ZRANB3: variants seen among roughly 807,000 people sequenced by gnomAD.
The protein encoded by ZRANB3 is zinc finger RANBP2-type containing 3.
In ZRANB3, 125 loss-of-function variants were observed where a neutral mutation model predicts 133.8. The observed-to-expected ratio is 0.93, with a 90% CI of 0.81 to 1.08. ZRANB3 has a LOEUF of 1.08. Among genes scored for constraint, ZRANB3 ranks in the 50% least tolerant of loss-of-function variants. The probability of loss-of-function intolerance (pLI) is 0.00; values close to 1 mark genes in which losing one functional copy is unlikely to be tolerated. For synonymous variants in ZRANB3, 387 were observed against 432.7 expected (o/e 0.89, Z 1.31); for missense variants, 1,229 against 1,275.5 (o/e 0.96, Z 0.56).
At chr2:135,475,793 T>C (rs1462166913) in intron 2 of ZRANB3, among the ~76,000 whole-genome samples, 1 of 152,070 alleles carries the variant, frequency 6.6e-6, no homozygotes, top group South Asian at 2.1e-4. Context: ...ATATTAAAAT[T>C]TTGGCTGGGT....
At chr2:135,493,784 G>A (rs1315267497) in intron 2 of ZRANB3, among the ~76,000 whole-genome samples, 1 of 152,112 alleles carries the variant, frequency 6.6e-6, no homozygotes. Context: ...GCTAACAAGA[G>A]AACTGAAAAC....
intron 1 of ZRANB3, among the ~76,000 whole-genome samples, chr2:135,505,077 C>A (rs1410442617): frequency 6.6e-6 from 1 of 151,948 alleles, no homozygotes; most frequent in African/African-American, 2.4e-5. Flanking sequence ...AGCACTTTGC[C>A]TGATTAACAC....
At chr2:135,272,506 C>T (rs1471528072) in intron 9 of ZRANB3, among the ~76,000 whole-genome samples, 1 of 147,532 alleles carries the variant, frequency 6.8e-6, no homozygotes, top group Non-Finnish European at 1.5e-5. Context: ...GCTCCGCCTC[C>T]GGGTTCACGC....
At chr2:135,211,684 T>C (rs568671269) in intron 17 of ZRANB3, among the ~76,000 whole-genome samples, 1 of 143,826 alleles carries the variant, frequency 7.0e-6, no homozygotes, top group African/African-American at 2.8e-5. Context: ...CTCAGAGATC[T>C]TTCCTTATTA....
intron 3 of ZRANB3, among the ~76,000 whole-genome samples, chr2:135,380,731 C>T (rs1202191914): frequency 2.0e-5 from 3 of 152,122 alleles, no homozygotes; most frequent in East Asian, 1.9e-4. Context: ...AAAATTGACA[C>T]GCTAACATCA....
At chr2:135,254,331 G>A (rs564398939) in intron 12 of ZRANB3, among the ~76,000 whole-genome samples, 21 of 152,168 alleles carry the variant, frequency 1.4e-4, no homozygotes, top group South Asian at 8.3e-4. Flanking sequence ...CATATTTATC[G>A]TATTGCATTA....
chr2:135,442,450 C>T (rs1689822271), intron 2 of ZRANB3, among the ~76,000 whole-genome samples: 1 of 152,202 alleles, frequency 6.6e-6, no homozygotes, highest in South Asian at 2.1e-4. Context: ...AAAAAATCCT[C>T]ATCATCACTG....
intron 1 of ZRANB3, among the ~76,000 whole-genome samples, chr2:135,527,118 C>T (rs534477065): frequency 2.0e-5 from 3 of 152,268 alleles, no homozygotes; most frequent in South Asian, 4.2e-4. Flanking sequence ...CAGGACCTCC[C>T]GAGGGCTGTG....
chr2:135,216,278 A>AT (rs1292194330), intron 17 of ZRANB3, among the ~76,000 whole-genome samples: 3 of 152,132 alleles, frequency 2.0e-5, no homozygotes, highest in South Asian at 2.1e-4. Flanking sequence ...AACCCCCTGG[A>AT]TTTTTTTCAC....
At chr2:135,282,901 C>T (rs1681161029) in intron 8 of ZRANB3, among the ~76,000 whole-genome samples, 1 of 152,156 alleles carries the variant, frequency 6.6e-6, no homozygotes, top group Admixed American at 6.6e-5. Flanking sequence ...CCAAAATTTA[C>T]CCAAATTTTG....
chr2:135,374,132 C>T, intron 3 of ZRANB3, among the ~76,000 whole-genome samples: 1 of 152,132 alleles, frequency 6.6e-6, no homozygotes, highest in Non-Finnish European at 1.5e-5. Flanking sequence ...TTGTGAAGTG[C>T]TTTACTCTAT....
At chr2:135,424,222 T>G (rs1201676573) in intron 2 of ZRANB3, among the ~76,000 whole-genome samples, 2 of 152,094 alleles carry the variant, frequency 1.3e-5, no homozygotes, top group Non-Finnish European at 2.9e-5. Context: ...GAATTAAATA[T>G]AATAGCATTA....
chr2:135,477,908 G>A (rs1047915203), intron 2 of ZRANB3, among the ~76,000 whole-genome samples: 6 of 152,018 alleles, frequency 3.9e-5, no homozygotes, highest in African/African-American at 1.4e-4. Context: ...AGGACTGTTT[G>A]AGCCCTAGAG....
intron 2 of ZRANB3, among the ~76,000 whole-genome samples, chr2:135,398,268 G>T (rs917178644): frequency 1.3e-4 from 19 of 151,762 alleles, no homozygotes; most frequent in African/African-American, 3.1e-4. Flanking sequence ...GGGTTTCACC[G>T]TGTTAGCCAG....
At chr2:135,259,165 G>A (rs1399609691) in intron 12 of ZRANB3, among the ~76,000 whole-genome samples, 1 of 151,840 alleles carries the variant, frequency 6.6e-6, no homozygotes, top group South Asian at 2.1e-4. Context: ...GACTACACGT[G>A]TGTACCACCA....
At chr2:135,267,084 A>G (rs899704596) in intron 11 of ZRANB3, among the ~76,000 whole-genome samples, 5 of 152,254 alleles carry the variant, frequency 3.3e-5, no homozygotes, top group East Asian at 1.9e-4. Context: ...TATTTGGCTC[A>G]GAATAAATCT....
chr2:135,355,171 G>A (rs940494494), intron 3 of ZRANB3: 39 of 940,682 alleles, frequency 4.1e-5, no homozygotes, highest in Middle Eastern at 5.4e-4. Context: ...TCTTTTAACT[G>A]CTCCTGTTAA....
At chr2:135,450,296 A>T (rs936707320) in intron 2 of ZRANB3, among the ~76,000 whole-genome samples, 4 of 117,524 alleles carry the variant, frequency 3.4e-5, no homozygotes, top group East Asian at 2.3e-4. Context: ...AAATAAAATT[A>T]AAAAAAAAAA....
intron 1 of ZRANB3, among the ~76,000 whole-genome samples, chr2:135,507,004 C>T (rs1286641846): frequency 6.6e-6 from 1 of 151,930 alleles, no homozygotes; most frequent in Non-Finnish European, 1.5e-5. Context: ...GAGAATGGAG[C>T]AAAAAGGGAA....
Sources: allele counts gnomAD v4.1 joint callset (sites outside exome capture counted in the v4.1 genomes callset), GRCh38; gene constraint gnomAD v4.1.1; transcripts MANE v1.5; gene names NCBI Gene and HGNC (gene_info 2026-07-23, HGNC 2026-07-21).